The following LRP6 variants were observed in gnomAD, a reference collection of about 807,000 sequenced individuals.
The protein encoded by LRP6 is LDL receptor related protein 6, also known as low-density lipoprotein receptor-related protein 6.
A neutral mutation model predicts 184.1 loss-of-function variants in LRP6; 43 were observed. The ratio of observed to expected loss-of-function variants is 0.23; its 90% CI spans 0.18 to 0.30. The LOEUF (loss-of-function observed/expected upper bound fraction) is 0.30. LRP6 is among the 10% of genes least tolerant of loss of function. LRP6 has a pLI of 1.00. For synonymous variants in LRP6, 719 were observed against 684.9 expected (o/e 1.05, Z -0.78); for missense variants, 1,571 against 2,005.3 (o/e 0.78, Z 4.14).
chr12:12,232,850 A>G (rs912608513), intron 2 of LRP6, among the ~76,000 whole-genome samples: 1 of 152,194 alleles, frequency 6.6e-6, no homozygotes. Context: ...TCCCACAAAT[A>G]ACTTAAGGAC....
At chr12:12,146,948 C>T (rs563913542) in intron 15 of LRP6, among the ~76,000 whole-genome samples, 9 of 152,040 alleles carry the variant, frequency 5.9e-5, no homozygotes, top group African/African-American at 1.7e-4. Flanking sequence ...GTCAGGAGAT[C>T]GAGACCATCC....
chr12:12,121,617 TAAG>T (rs1448775713), intron 22 of LRP6, among the ~76,000 whole-genome samples, 197 bp from the exon 23 acceptor site: 1 of 152,082 alleles, frequency 6.6e-6, no homozygotes, highest in Non-Finnish European at 1.5e-5. Flanking sequence ...TATTTGCAAA[TAAG>T]AAAGTGGCAA....
chr12:12,227,147 G>GAAAGGAAA (rs1392263074), intron 2 of LRP6, among the ~76,000 whole-genome samples: 1 of 151,956 alleles, frequency 6.6e-6, no homozygotes, highest in African/African-American at 2.4e-5. Flanking sequence ...AAATTCAAGA[G>GAAAGGAAA]AAAGGAAAAA....
chr12:12,127,772 T>C (rs1011053069), intron 19 of LRP6, among the ~76,000 whole-genome samples: 1 of 152,334 alleles, frequency 6.6e-6, no homozygotes, highest in Admixed American at 6.5e-5. Flanking sequence ...TATCTCACAG[T>C]TGCAGATCCT....
At chr12:12,212,599 T>C (rs1018234756) in intron 2 of LRP6, among the ~76,000 whole-genome samples, 4 of 152,186 alleles carry the variant, frequency 2.6e-5, no homozygotes, top group Non-Finnish European at 5.9e-5. Flanking sequence ...ACTTATAGTT[T>C]CACTGGTTTA....
At chr12:12,124,440 A>G in intron 22 of LRP6, 125 bp downstream of exon 22, 2 of 735,538 alleles carry the variant, frequency 2.7e-6, no homozygotes, top group South Asian at 1.5e-5. Flanking sequence ...TGTCAGTACT[A>G]TCAAGATAAG....
chr12:12,254,156 A>AG (rs1865402588), intron 1 of LRP6, among the ~76,000 whole-genome samples: 1 of 149,994 alleles, frequency 6.7e-6, no homozygotes, highest in Non-Finnish European at 1.5e-5. Context: ...AAAAAAAAAA[A>AG]AAAAAAAAAG....
chr12:12,160,522 G>C (rs1039638433), intron 10 of LRP6, among the ~76,000 whole-genome samples: 1 of 152,128 alleles, frequency 6.6e-6, no homozygotes, highest in Non-Finnish European at 1.5e-5. Context: ...ATGGTCCAAG[G>C]GAGCATACTA....
chr12:12,163,612 T>G (rs958136459), intron 9 of LRP6, among the ~76,000 whole-genome samples: 1 of 152,186 alleles, frequency 6.6e-6, no homozygotes, highest in Non-Finnish European at 1.5e-5. Flanking sequence ...GGCCCTAAAA[T>G]TTTGTTTAAA....
rs139800650 is a variant in LRP6 at position 12,165,216 on chromosome 12, C to T, written c.1625G>A (p.Gly542Asp). Residue 542 changes from glycine to aspartate, a missense_variant, in exon 8 of 23, where the codon GGT becomes GAT. Gly to Asp is a moderately conservative substitution (Grantham distance 94). Around this residue, in one of 4 missense-constraint regions of LRP6, gnomAD observed 640 missense variants for 851.9 expected, o/e 0.75. Coordinates refer to ENST00000261349, the MANE Select transcript of LRP6 (RefSeq NM_002336.3). ...IPHIFGFTLLGDYVYWTDWQR... is the reference protein window; with the variant it reads ...IPHIFGFTLLDDYVYWTDWQR... ...CCAGTCAGTCCAGTAAACATAGTCACCCAACAAAGTAAATCCAAATATGTG... is the reference window on the plus strand; with the variant it reads ...CCAGTCAGTCCAGTAAACATAGTCATCCAACAAAGTAAATCCAAATATGTG... The T allele has an allele frequency of 8.2e-5, 133 of 1,614,018 alleles. No individual in the cohort carries two copies. The highest frequency in any genetic ancestry group is 2.0e-4 in the Admixed American group (12 of 60,006).
rs555305191 is a variant in LRP6, at chr12:12,266,994, C to G, written c.-259G>C. On this transcript the variant is annotated 5_prime_UTR_variant, in exon 1 of 23. Transcript: ENST00000261349. ...CCTCCTCCCCCGGCGCCCCGCTTCC[C>G]CCGCGCAGCTCCTCATTCAGCCTCT... 5.7e-6 allele frequency: 3 copies of G among 527,282 alleles called. No individual in the cohort carries two copies. The highest frequency in any genetic ancestry group is 3.4e-5 in the East Asian group (1 of 29,032). The allele number at this position is 527,282 out of a possible 1,614,324, so 32.7% of individuals were successfully genotyped here. A position where few individuals can be genotyped will look rare whatever the true frequency, so the allele number is the denominator to read the frequency against.
At chr12:12,206,109 T>C (rs1382799275) in intron 2 of LRP6, among the ~76,000 whole-genome samples, 1 of 152,214 alleles carries the variant, frequency 6.6e-6, no homozygotes, top group African/African-American at 2.4e-5. Flanking sequence ...AGCCCAGGTG[T>C]ATAGCAGGCT....
At position 12,175,175 on chromosome 12, in the gene LRP6, G is replaced by A. The variant is rs535435836; in HGVS notation, c.1545+4635C>T. Among the ~76,000 whole-genome samples, 22 of 152,286 alleles carry A rather than the reference G, an allele frequency of 1.4e-4. No homozygotes were observed. The South Asian group carries it at 4.4e-3, about 30-fold the overall frequency. Reference sequence around the variant, plus strand: ...AGGCCGAGGTGGGTGGATCATTTGAGGTCAGGAGTTCGAGGCCAGCCTGGC... The same window carrying A: ...AGGCCGAGGTGGGTGGATCATTTGAAGTCAGGAGTTCGAGGCCAGCCTGGC... On this transcript the variant is annotated intron_variant, in intron 7 of 22. Coordinates refer to ENST00000261349, the MANE Select transcript of LRP6 (RefSeq NM_002336.3).
At chr12:12,227,924 A>C (rs1451518536) in intron 2 of LRP6, among the ~76,000 whole-genome samples, 3 of 152,224 alleles carry the variant, frequency 2.0e-5, no homozygotes. Context: ...AACAAACAAA[A>C]GGCAAGAGGG....
intron 2 of LRP6, among the ~76,000 whole-genome samples, chr12:12,218,695 G>A (rs952969043): frequency 2.0e-5 from 3 of 151,900 alleles, no homozygotes; most frequent in South Asian, 2.1e-4. Context: ...CAGGCACAGA[G>A]GCTCACACCT....
In LRP6 at chr12:12,164,316, T is replaced by C. The variant is rs745637437; in HGVS notation, c.2009A>G (p.Asp670Gly). The change falls in exon 9 of 23, where the codon GAT becomes GGT. Residue 670 changes from aspartate to glycine, a missense_variant. Asp to Gly is a moderately conservative substitution (Grantham distance 94). Coordinates refer to ENST00000261349, the MANE Select transcript of LRP6 (RefSeq NM_002336.3). ...CCAATAAATTCGGTTGTCTGTCACA[T>C]CAAAATCCAAAGCAGAAGCTTCTTT... ...GVKEASALDF[D>G]VTDNRIYWTD... 1 of 1,614,132 alleles carries C rather than the reference T, an allele frequency of 6.2e-7. No homozygotes were observed. Among genetic ancestry groups the C allele is most frequent in the South Asian group, 1.1e-5 (1 of 91,084 alleles).
chr12:12,148,950 T>C lies in LRP6; in HGVS notation c.3198A>G (p.Pro1066=), dbSNP rs1371414830. The change falls in exon 14 of 23, where the codon CCA becomes CCG. Residue 1066 remains proline, a synonymous_variant. Transcript: ENST00000261349. ...QDRPRAVVVN[P]EKGYMYFTNL... is the part of the protein sequence containing the mutation. ...CCACTTTAGTAACATACCCTTTCTC[T>C]GGGTTTACCACAACGGCTCGAGGTC... The C allele has an allele frequency of 6.2e-7, 1 of 1,612,846 alleles. No individual in the cohort carries two copies. The highest frequency in any genetic ancestry group is 8.5e-7 in the Non-Finnish European group (1 of 1,179,518).
intron 7 of LRP6, among the ~76,000 whole-genome samples, chr12:12,173,499 T>G (rs531616899): frequency 1.3e-5 from 2 of 151,742 alleles, no homozygotes; most frequent in African/African-American, 4.8e-5. Context: ...CACACCACAA[T>G]GCCTAGCTAA....
intron 20 of LRP6, among the ~76,000 whole-genome samples, chr12:12,126,252 C>A (rs1949669823): frequency 6.6e-6 from 1 of 152,220 alleles, no homozygotes. Context: ...AAGACATATT[C>A]TCCCTTCTAT....
Sources: gnomAD v4.1 joint callset for allele counts (sites outside exome capture counted in the v4.1 genomes callset) on GRCh38, gnomAD v4.1.1 for gene constraint, gnomAD v4.1.1 regional missense constraint, MANE v1.5 for transcripts, NCBI Gene and HGNC (gene_info 2026-07-23, HGNC 2026-07-21) for gene names.